Variants in KANSL2 observed in about 807,000 individuals in gnomAD.
KANSL2 encodes the protein KAT8 regulatory NSL complex subunit 2, also known as NSL complex protein NSL2.
A neutral mutation model predicts 55.6 loss-of-function variants in KANSL2; 34 were observed. The ratio of observed to expected loss-of-function variants is 0.61; its 90% CI spans 0.46 to 0.81. KANSL2 has a LOEUF of 0.81. Among genes scored for constraint, KANSL2 ranks in the 40% least tolerant of loss-of-function variants. The pLI is 0.00. For synonymous variants in KANSL2, 209 were observed against 214.3 expected (o/e 0.98, Z 0.22); for missense variants, 502 against 609.9 (o/e 0.82, Z 1.86).
rs1304954685 is a variant in KANSL2, at chr12:48,682,171, A to G, written c.-10+16T>C. 2.9e-6 allele frequency: 2 copies of G among 696,852 alleles called. No individual in the cohort carries two copies. Among genetic ancestry groups the G allele is most frequent in the Non-Finnish European group, 5.2e-6 (2 of 381,598 alleles). The allele number at this position is 696,852 out of a possible 1,614,324, so 43.2% of individuals were successfully genotyped here. On this transcript the variant is annotated intron_variant, in intron 1 of 9. Coordinates refer to ENST00000420613, the MANE Select transcript of KANSL2 (RefSeq NM_017822.4). ...CCAACCGCAAGAGCTTAGAGGAAAG[A>G]GCACCGCCATCTTACCTCAGGAGCT... is the stretch of plus-strand genomic sequence containing the variant.
rs1289337024 is a variant in KANSL2, at chr12:48,669,159, G to A, written c.823C>T (p.His275Tyr). 3.9e-6 allele frequency: 6 copies of A among 1,551,718 alleles called. No individual in the cohort carries two copies. Among genetic ancestry groups the A allele is most frequent in the Non-Finnish European group, 5.2e-6 (6 of 1,147,034 alleles). The change falls in exon 6 of 10, where the codon CAT becomes TAT. Residue 275 changes from histidine (H) to tyrosine (Y), a missense_variant. Transcript: ENST00000420613. ...ATTCTCCGTTCCTTCAACTGCCTAT[G>A]CAGTAAGGCTTCCACTCCATAGCGC... is the stretch of plus-strand genomic sequence containing the variant. ...RQRYGVEALL[H>Y]RQLKERRMLA... is the part of the protein sequence containing the mutation.
intron 1 of KANSL2, 154 bp from the exon 2 acceptor site, chr12:48,681,795 G>C (rs1281303728): frequency 1.1e-6 from 1 of 906,188 alleles, no homozygotes; most frequent in East Asian, 2.6e-5. Context: ...GTCTCCACAG[G>C]CATCTGTGGC....
chr12:48,681,367 T>C lies in KANSL2; in HGVS notation c.251+15A>G. The C allele has an allele frequency of 6.3e-7, 1 of 1,598,990 alleles. No homozygotes were observed. The highest frequency in any genetic ancestry group is 1.1e-5 in the South Asian group (1 of 89,010). Reference sequence around the variant, plus strand: ...CGCTTTAAGAAAAACGACATATATATCTATACATATATACCCATCTTTCTT... The same window carrying C: ...CGCTTTAAGAAAAACGACATATATACCTATACATATATACCCATCTTTCTT... On this transcript the variant is annotated intron_variant, in intron 2 of 9. Coordinates refer to ENST00000420613, the MANE Select transcript of KANSL2 (RefSeq NM_017822.4).
chr12:48,658,865 T>C (rs923909362), intron 8 of KANSL2, among the ~76,000 whole-genome samples: 1 of 152,254 alleles, frequency 6.6e-6, no homozygotes, highest in Non-Finnish European at 1.5e-5. Flanking sequence ...ATTAAGGTGT[T>C]AAGTTACTAC....
At position 48,654,967 on chromosome 12, in the gene KANSL2, T is replaced by C. The variant is rs1263420288; in HGVS notation, c.1321A>G (p.Ile441Val). 2 of 1,575,656 alleles carry C rather than the reference T, an allele frequency of 1.3e-6. No homozygotes were observed. Among genetic ancestry groups the C allele is most frequent in the Non-Finnish European group, 1.7e-6 (2 of 1,160,222 alleles). ...AAAATATCCACTGGGTCTTCAGCAA[T>C]TTCTTTGACTAAATGATCTTCAAGG... ...LTLEDHLVKE[I>V]AEDPVDILGQ... The change falls in exon 9 of 10, where the codon ATT becomes GTT. Residue 441 changes from isoleucine (I) to valine (V), a missense_variant. Transcript: ENST00000420613.
chr12:48,663,578 A>G (rs1282330099), intron 7 of KANSL2, among the ~76,000 whole-genome samples: 1 of 152,202 alleles, frequency 6.6e-6, no homozygotes, highest in African/African-American at 2.4e-5. Context: ...TAACAAAAAG[A>G]CCATGAGAAT....
chr12:48,664,607 A>G (rs1395526691), intron 7 of KANSL2, among the ~76,000 whole-genome samples: 4 of 79,354 alleles, frequency 5.0e-5, no homozygotes, highest in Non-Finnish European at 9.0e-5. Context: ...TTTGAGATGG[A>G]GTCTCACTCT....
chr12:48,667,059 T>C (rs545337613), intron 7 of KANSL2, among the ~76,000 whole-genome samples: 39 of 151,810 alleles, frequency 2.6e-4, no homozygotes, highest in African/African-American at 8.9e-4. Flanking sequence ...TACGTGCCTA[T>C]AATCCCAGCT....
intron 9 of KANSL2, 73 bp downstream of exon 9, chr12:48,654,868 C>T: frequency 2.7e-6 from 4 of 1,478,908 alleles, no homozygotes; most frequent in Non-Finnish European, 3.7e-6. Flanking sequence ...GGAGCACATG[C>T]TATCTAGCAG....
At chr12:48,666,981 G>C (rs1939613162) in intron 7 of KANSL2, among the ~76,000 whole-genome samples, 2 of 152,024 alleles carry the variant, frequency 1.3e-5, no homozygotes, top group Admixed American at 6.6e-5. Context: ...AGGAGCTCGA[G>C]ACCAGCCTGG....
chr12:48,671,616 G>A (rs1057051298), intron 5 of KANSL2, among the ~76,000 whole-genome samples, 183 bp downstream of exon 5: 2 of 152,196 alleles, frequency 1.3e-5, no homozygotes, highest in African/African-American at 2.4e-5. Flanking sequence ...TGCTTGTACA[G>A]GTTTGCAGCC....
intron 7 of KANSL2, among the ~76,000 whole-genome samples, chr12:48,666,904 G>A (rs2137188303): frequency 6.6e-6 from 1 of 151,946 alleles, no homozygotes; most frequent in South Asian, 2.1e-4. Flanking sequence ...ATAAAAGCCG[G>A]GCACAGTGGC....
In KANSL2 at chr12:48,653,708, C is replaced by G. The variant is rs1319580610; in HGVS notation, c.*336G>C. The G allele has an allele frequency of 1.0e-5, 2 of 194,308 alleles. No homozygotes were observed. The highest frequency in any genetic ancestry group is 2.3e-5 in the African/African-American group (1 of 43,068). 12.0% of individuals were successfully genotyped at this position (194,308 alleles called of 1,614,324 possible). A position where few individuals can be genotyped will look rare whatever the true frequency, so the allele number is the denominator to read the frequency against. On this transcript the variant is annotated 3_prime_UTR_variant, in exon 10 of 10. Coordinates refer to ENST00000420613, the MANE Select transcript of KANSL2 (RefSeq NM_017822.4). ...AGGGCCATCAGTATCTCAAAGACAC[C>G]ACTCACAAAGACAGCTCCCACCTAG... is the stretch of plus-strand genomic sequence containing the variant.
At chr12:48,675,859 T>C (rs1939811835) in intron 4 of KANSL2, among the ~76,000 whole-genome samples, 1 of 152,192 alleles carries the variant, frequency 6.6e-6, no homozygotes, top group Admixed American at 6.5e-5. Context: ...ATTATTAGCA[T>C]TCATCTTCAA....
intron 8 of KANSL2, chr12:48,658,529 G>A (rs1220767233): frequency 6.6e-6 from 1 of 152,110 alleles, no homozygotes; most frequent in East Asian, 1.9e-4. Context: ...GCTGAGGGGA[G>A]TGGATCACCT....
intron 6 of KANSL2, among the ~76,000 whole-genome samples, chr12:48,668,857 T>C (rs1244059700): frequency 2.6e-5 from 4 of 151,818 alleles, no homozygotes; most frequent in South Asian, 2.1e-4. Context: ...CTGGCCAACA[T>C]AGTGAAACCC....
In KANSL2 at chr12:48,669,174, C is replaced by T. The variant is rs2137191696; in HGVS notation, c.808G>A (p.Val270Met). The change falls in exon 6 of 10, where the codon GTG becomes ATG. Residue 270 changes from valine (V) to methionine (M), a missense_variant. By Grantham distance (21) the Val-to-Met change is conservative. Coordinates refer to ENST00000420613, the MANE Select transcript of KANSL2 (RefSeq NM_017822.4). ...CLRRYRQRYGVEALLHRQLKE... is the reference protein window; with the variant it reads ...CLRRYRQRYGMEALLHRQLKE... Reference sequence around the variant, plus strand: ...AACTGCCTATGCAGTAAGGCTTCCACTCCATAGCGCTGGCGGTATCGTCGC... The same window carrying T: ...AACTGCCTATGCAGTAAGGCTTCCATTCCATAGCGCTGGCGGTATCGTCGC... 6.4e-7 allele frequency: 1 copy of T among 1,552,828 alleles called. No individual in the cohort carries two copies. Among genetic ancestry groups the T allele is most frequent in the Non-Finnish European group, 8.7e-7 (1 of 1,147,442 alleles).
intron 4 of KANSL2, among the ~76,000 whole-genome samples, chr12:48,677,741 T>C (rs1302294009): frequency 7.4e-5 from 9 of 122,438 alleles, no homozygotes; most frequent in African/African-American, 2.5e-4. Context: ...ACTGAGATCA[T>C]GCCACTGCAC....
chr12:48,663,430 T>G (rs1939525058), intron 7 of KANSL2, among the ~76,000 whole-genome samples: 1 of 152,158 alleles, frequency 6.6e-6, no homozygotes, highest in Non-Finnish European at 1.5e-5. Flanking sequence ...AATATCAATT[T>G]TATAGATTTT....
Sources: allele counts gnomAD v4.1 joint callset (sites outside exome capture counted in the v4.1 genomes callset), GRCh38; gene constraint gnomAD v4.1.1; transcripts MANE v1.5; gene names NCBI Gene and HGNC (gene_info 2026-07-23, HGNC 2026-07-21).